The following MEGF9 variants were observed in gnomAD, a reference collection of about 807,000 sequenced individuals.
MEGF9 encodes the protein multiple epidermal growth factor-like domains protein 9.
In MEGF9, 6 loss-of-function variants were observed where a neutral mutation model predicts 46.8. The observed-to-expected ratio is 0.13, with a 90% CI of 0.07 to 0.25. The LOEUF is 0.25. Among genes scored for constraint, MEGF9 ranks in the 10% least tolerant of loss-of-function variants. MEGF9 has a pLI of 1.00. For missense variants in MEGF9, 683 were observed against 792.4 expected (o/e 0.86, Z 1.66); for synonymous variants, 302 against 330.7 (o/e 0.91, Z 0.94).
chr9:120,714,142 G>C lies in MEGF9; in HGVS notation c.217C>G (p.Pro73Ala), dbSNP rs754532656. The part of the protein sequence containing the change: ...PSHPFPRATA[P>A]TAQAPRTGPP... ...CCGGTCCTCGGGGCCTGGGCCGTGG[G>C]AGCCGTCGCCCTAGGGAAGGGGTGG... Residue 73 changes from proline to alanine, a missense_variant, in exon 1 of 6, where the codon CCC becomes GCC. Transcript: ENST00000373930. 3.2e-6 allele frequency: 4 copies of C among 1,236,320 alleles called. No individual in the cohort carries two copies. The highest frequency in any genetic ancestry group is 4.0e-6 in the Non-Finnish European group (4 of 990,606). The allele number at this position is 1,236,320 out of a possible 1,614,324, so 76.6% of individuals were successfully genotyped here.
intron 2 of MEGF9, among the ~76,000 whole-genome samples, chr9:120,637,675 C>T (rs1330255635): frequency 4.7e-5 from 7 of 149,130 alleles, no homozygotes; most frequent in Non-Finnish European, 3.0e-5. Context: ...GCCTGTAATC[C>T]CAGCTACTCA....
intron 1 of MEGF9, among the ~76,000 whole-genome samples, chr9:120,681,862 G>A (rs187872346): frequency 6.6e-6 from 1 of 152,344 alleles, no homozygotes; most frequent in East Asian, 1.9e-4. Flanking sequence ...CCAGGCCACA[G>A]TAGAGGAAGA....
intron 2 of MEGF9, among the ~76,000 whole-genome samples, chr9:120,642,240 C>T (rs369731053): frequency 1.1e-4 from 17 of 152,190 alleles, no homozygotes; most frequent in African/African-American, 4.1e-4. Context: ...CATTGTAGCC[C>T]AGGTCTGATT....
In MEGF9 at chr9:120,601,595, TCTCTC is replaced by T. The variant is rs1299752182; in HGVS notation, c.*3590_*3594del. ...GTCTACAAATGTTGTCTAAAAAACC[TCTCTC>T]CTCTCATCCCATGTTTCCTCTGTTC... On this transcript the variant is annotated 3_prime_UTR_variant, in exon 6 of 6. Transcript: ENST00000373930. 6.6e-6 allele frequency: 1 copy of T among 152,130 alleles called. No homozygotes were observed. The highest frequency in any genetic ancestry group is 2.1e-4 in the South Asian group (1 of 4,832). 9.4% of individuals were successfully genotyped at this position (152,130 alleles called of 1,614,324 possible).
intron 2 of MEGF9, among the ~76,000 whole-genome samples, chr9:120,634,446 CTTTT>C (rs1158273579): frequency 1.6e-3 from 77 of 46,898 alleles, no homozygotes; most frequent in Middle Eastern, 0.017. Context: ...TGTGGAATAT[CTTTT>C]TTTTTTTTTT....
intron 1 of MEGF9, among the ~76,000 whole-genome samples, chr9:120,702,289 G>C (rs2043909088): frequency 6.6e-6 from 1 of 152,138 alleles, no homozygotes; most frequent in Admixed American, 6.5e-5. Context: ...GATCAAACTT[G>C]CTTAGTCAAT....
chr9:120,612,372 T>C (rs1294780962), intron 4 of MEGF9, 24 bp downstream of exon 4: 4 of 1,591,554 alleles, frequency 2.5e-6, no homozygotes, highest in Non-Finnish European at 3.4e-6. Flanking sequence ...CCCTCTAAAA[T>C]GAAAAGTTAG....
intron 1 of MEGF9, among the ~76,000 whole-genome samples, chr9:120,691,843 T>A (rs1041718202): frequency 6.6e-6 from 1 of 152,142 alleles, no homozygotes; most frequent in African/African-American, 2.4e-5. Context: ...TTAGAAAGAA[T>A]TAAGAAAAGA....
chr9:120,679,421 C>T (rs1369120186), intron 1 of MEGF9, among the ~76,000 whole-genome samples: 1 of 143,266 alleles, frequency 7.0e-6, no homozygotes, highest in Non-Finnish European at 1.5e-5. Context: ...GGGAATTGAA[C>T]AATGAGAACA....
At position 120,711,871 on chromosome 9, in the gene MEGF9, A is replaced by ACACACACACAC. The variant is rs145059704; in HGVS notation, c.601+1886_601+1887insGTGTGTGTGTG. 1.1e-3 allele frequency among the ~76,000 whole-genome samples: 158 copies of ACACACACACAC among 150,216 alleles called. 1 individual carries two copies. The highest frequency in any genetic ancestry group is 3.8e-3 in the African/African-American group (153 of 40,380). ...CACACACACACACACACACACACAC[A>ACACACACACAC]CCCACAGGCCTGGTCATAAGCATAG... On this transcript the variant is annotated intron_variant, in intron 1 of 5. Coordinates refer to ENST00000373930, the MANE Select transcript of MEGF9 (RefSeq NM_001080497.3).
intron 2 of MEGF9, among the ~76,000 whole-genome samples, chr9:120,623,131 G>A (rs749673843): frequency 6.6e-6 from 1 of 152,112 alleles, no homozygotes; most frequent in Non-Finnish European, 1.5e-5. Context: ...TTTTACTACT[G>A]AGAAAATTCA....
intron 2 of MEGF9, among the ~76,000 whole-genome samples, chr9:120,641,935 G>T (rs2043605081): frequency 6.6e-6 from 1 of 152,070 alleles, no homozygotes; most frequent in Non-Finnish European, 1.5e-5. Context: ...TATTCCTAAT[G>T]ATTAATTACA....
intron 2 of MEGF9, among the ~76,000 whole-genome samples, chr9:120,633,380 C>T (rs576705296): frequency 1.2e-4 from 19 of 152,244 alleles, no homozygotes; most frequent in African/African-American, 4.6e-4. Flanking sequence ...GATTTCTTGG[C>T]ATACAGTTGT....
Position 120,605,630 on chromosome 9 carries a change from G to A in MEGF9, c.1369C>T (p.Pro457Ser), listed in dbSNP as rs1489315463. ...AAAATGGTAGAACCTTCAGGTGTTG[G>A]AAGAATAACTTCTGAAAATAAAAAC... ...GNCIKKEVIL[P>S]TPEGSTILVS... is the part of the protein sequence containing the mutation. Residue 457 changes from proline (P) to serine (S), a missense_variant, in exon 6 of 6, where the codon CCA becomes TCA. Coordinates refer to ENST00000373930, the MANE Select transcript of MEGF9 (RefSeq NM_001080497.3). The surrounding 1 kb of genome is among the most constrained non-coding windows in gnomAD (Gnocchi z 4.0). The A allele has an allele frequency of 1.4e-5, 21 of 1,555,150 alleles. No homozygotes were observed. The highest frequency in any genetic ancestry group is 7.2e-5 in the South Asian group (6 of 83,488).
intron 3 of MEGF9, 69 bp downstream of exon 3, chr9:120,622,547 T>C (rs1203242622): frequency 3.9e-6 from 6 of 1,545,270 alleles, no homozygotes; most frequent in Non-Finnish European, 4.4e-6. Flanking sequence ...AATCAACCTA[T>C]AGCTGAAAGA....
rs978084493 is a variant in MEGF9, at chr9:120,613,889, A to T, written c.944-1350T>A. ...GTAAAAGTCTTGATTTCTTTTCCTT[A>T]CTAGCAGAAATATTTTTAAAAGGGG... On this transcript the variant is annotated intron_variant, in intron 3 of 5. Coordinates refer to ENST00000373930, the MANE Select transcript of MEGF9 (RefSeq NM_001080497.3). Among the ~76,000 whole-genome samples, 12 of 152,346 alleles carry T rather than the reference A, an allele frequency of 7.9e-5. 1 individual carries two copies. The highest frequency in any genetic ancestry group is 4.6e-4 in the Admixed American group (7 of 15,300).
intron 1 of MEGF9, among the ~76,000 whole-genome samples, chr9:120,682,724 A>C (rs1212310124): frequency 6.6e-6 from 1 of 152,168 alleles, no homozygotes; most frequent in South Asian, 2.1e-4. Context: ...CTGGGACTAC[A>C]GGAGCAAGCC....
intron 2 of MEGF9, among the ~76,000 whole-genome samples, chr9:120,632,658 T>A (rs747466780): frequency 1.3e-5 from 2 of 152,226 alleles, no homozygotes; most frequent in Admixed American, 1.3e-4. Context: ...AAAGTGGGCA[T>A]CCTTGTCTTT....
intron 2 of MEGF9, among the ~76,000 whole-genome samples, chr9:120,624,667 G>C (rs181979023): frequency 6.6e-6 from 1 of 152,070 alleles, no homozygotes; most frequent in East Asian, 1.9e-4. Flanking sequence ...ACAAGTTCAA[G>C]ACCAGTGATC....
Sources: allele counts gnomAD v4.1 joint callset (sites outside exome capture counted in the v4.1 genomes callset), GRCh38; gene constraint gnomAD v4.1.1; non-coding constraint Gnocchi (gnomAD v3.1); transcripts MANE v1.5; gene names NCBI Gene and HGNC (gene_info 2026-07-23, HGNC 2026-07-21).